The following RAB11FIP4 variants were observed in gnomAD, a reference collection of about 807,000 sequenced individuals.
The protein encoded by RAB11FIP4 is rab11 family-interacting protein 4.
A neutral mutation model predicts 74.3 loss-of-function variants in RAB11FIP4; 23 were observed. That is an observed-to-expected ratio of 0.31 (90% CI 0.22 to 0.44). The LOEUF is 0.44. RAB11FIP4 is among the 20% of genes least tolerant of loss of function. The pLI, the probability that RAB11FIP4 is intolerant of heterozygous loss-of-function variation, is 1.00. For missense variants in RAB11FIP4, 630 were observed against 863.9 expected (o/e 0.73, Z 3.39); for synonymous variants, 360 against 359.9 (o/e 1.00, Z 0.00).
At position 31,403,331 on chromosome 17, in the gene RAB11FIP4, T is replaced by TC. The variant is rs1312870150; in HGVS notation, c.159+11320_159+11321insC. Among the ~76,000 whole-genome samples the TC allele has an allele frequency of 1.9e-4, 29 of 151,408 alleles. 1 individual carries two copies. The highest frequency in any genetic ancestry group is 3.9e-4 in the East Asian group (2 of 5,142). On this transcript the variant is annotated intron_variant, in intron 1 of 14. Transcript: ENST00000621161. ...CTTTGTATTTCTTTCTTTCTTTCTT[T>TC]TTTTTTTTTGAGATGGAGTCTCGCT...
rs1291833405 is a variant in RAB11FIP4 at position 31,429,401 on chromosome 17, G to GCCA, written c.160-2411_160-2409dup. The stretch of plus-strand genomic sequence containing the variant: ...GGGTGTGCAACCGAAGTCATGATCT[G>GCCA]CCAGTCTCCAGCATTTCTCAGCTGC... On this transcript the variant is annotated intron_variant, in intron 1 of 14. Coordinates refer to ENST00000621161, the MANE Select transcript of RAB11FIP4 (RefSeq NM_032932.6). Among the ~76,000 whole-genome samples, 3 of 152,170 alleles carry GCCA rather than the reference G, an allele frequency of 2.0e-5. No individual in the cohort carries two copies. The East Asian group carries it at 5.8e-4, about 29-fold the overall frequency.
chr17:31,457,895 C>G lies in RAB11FIP4; in HGVS notation c.336+23773C>G, dbSNP rs117501964. ...TCTGTCTCTTCTCTCTATCTGCACC[C>G]CATCTCTCTCTGTCCTGAAGTCTGC... On this transcript the variant is annotated intron_variant, in intron 3 of 14. Transcript: ENST00000621161. 1.9e-3 allele frequency among the ~76,000 whole-genome samples: 285 copies of G among 152,270 alleles called. 8 individuals carry two copies. The East Asian group carries it at 0.049, about 26-fold the overall frequency.
At chr17:31,463,660 C>T (rs1416643818) in intron 3 of RAB11FIP4, among the ~76,000 whole-genome samples, 1 of 151,948 alleles carries the variant, frequency 6.6e-6, no homozygotes, top group Admixed American at 6.6e-5. Flanking sequence ...CCTGCCACCA[C>T]ACCTGGCTAA....
chr17:31,455,593 C>T (rs1308650948), intron 3 of RAB11FIP4, among the ~76,000 whole-genome samples: 1 of 152,102 alleles, frequency 6.6e-6, no homozygotes, highest in Non-Finnish European at 1.5e-5. Flanking sequence ...CACATGGGTA[C>T]CTCACTGTAC....
At chr17:31,496,826 C>T (rs1286712187) in intron 3 of RAB11FIP4, among the ~76,000 whole-genome samples, 1 of 152,202 alleles carries the variant, frequency 6.6e-6, no homozygotes, top group Non-Finnish European at 1.5e-5. Context: ...TGAGTCCACT[C>T]CAGTGCACAG....
At chr17:31,475,258 C>G (rs1194640161) in intron 3 of RAB11FIP4, among the ~76,000 whole-genome samples, 2 of 152,148 alleles carry the variant, frequency 1.3e-5, no homozygotes, top group East Asian at 3.9e-4. Flanking sequence ...TGGTGGGAAG[C>G]AGTGCTGGAG....
chr17:31,411,198 C>T (rs1185231131), intron 1 of RAB11FIP4, among the ~76,000 whole-genome samples: 3 of 152,094 alleles, frequency 2.0e-5, no homozygotes, highest in South Asian at 2.1e-4. Flanking sequence ...CCCGTCTCTA[C>T]TAAAAATACA....
intron 3 of RAB11FIP4, among the ~76,000 whole-genome samples, chr17:31,517,206 T>TGGGGGG: frequency 4.9e-5 from 1 of 20,250 alleles, no homozygotes; most frequent in Non-Finnish European, 1.2e-4. Flanking sequence ...GGGGGGGCGG[T>TGGGGGG]GGGGGGGGCG....
chr17:31,444,630 G>T (rs2071434800), intron 3 of RAB11FIP4, among the ~76,000 whole-genome samples: 2 of 152,078 alleles, frequency 1.3e-5, no homozygotes, highest in Admixed American at 1.3e-4. Flanking sequence ...GCCACCTCCT[G>T]CCTAACCCAA....
chr17:31,477,420 C>T (rs2071804287), intron 3 of RAB11FIP4, among the ~76,000 whole-genome samples: 1 of 152,228 alleles, frequency 6.6e-6, no homozygotes, highest in Admixed American at 6.5e-5. Context: ...GCTCCCCGCC[C>T]ACCCTCCTTG....
chr17:31,451,458 C>CAAA (rs60812825), intron 3 of RAB11FIP4, among the ~76,000 whole-genome samples: 2 of 85,970 alleles, frequency 2.3e-5, no homozygotes, highest in Non-Finnish European at 4.6e-5. Context: ...GACTCCATCT[C>CAAA]AAAAAAAAAA....
At chr17:31,454,631 C>T (rs1339439993) in intron 3 of RAB11FIP4, among the ~76,000 whole-genome samples, 3 of 152,078 alleles carry the variant, frequency 2.0e-5, no homozygotes, top group African/African-American at 7.2e-5. Context: ...TGCCTGTAAT[C>T]CCAGCACTTT....
At chr17:31,428,620 C>T (rs1182366568) in intron 1 of RAB11FIP4, among the ~76,000 whole-genome samples, 3 of 152,030 alleles carry the variant, frequency 2.0e-5, no homozygotes, top group Non-Finnish European at 4.4e-5. Flanking sequence ...TGTGGCTAGC[C>T]AGCAGAACCA....
intron 1 of RAB11FIP4, 87 bp downstream of exon 1, chr17:31,392,098 G>A: frequency 1.0e-6 from 1 of 957,260 alleles, no homozygotes; most frequent in Non-Finnish European, 1.3e-6. Context: ...GGTCACCCGC[G>A]TGGCCCGAGG....
At position 31,528,418 on chromosome 17, in the gene RAB11FIP4, A is replaced by G. The variant is rs779704837; in HGVS notation, c.1369A>G (p.Met457Val). 2.5e-6 allele frequency: 4 copies of G among 1,612,744 alleles called. No homozygotes were observed. Among genetic ancestry groups the G allele is most frequent in the African/African-American group, 2.7e-5 (2 of 74,944 alleles). ...CTCCCTGCTCCAGGAGCGGCAGCGC[A>G]TGTCTGACCGTCTGGAGGACACCAG... The part of the protein sequence containing the change: ...TEKLDEERQR[M>V]SDRLEDTSLR... The change falls in exon 12 of 15, where the codon ATG (methionine) becomes GTG (valine). Residue 457 changes from methionine to valine, a missense_variant. By Grantham distance (21) the Met-to-Val change is conservative. Transcript: ENST00000621161.
At chr17:31,412,125 C>T (rs2071103011) in intron 1 of RAB11FIP4, among the ~76,000 whole-genome samples, 2 of 152,192 alleles carry the variant, frequency 1.3e-5, no homozygotes, top group East Asian at 3.9e-4. Flanking sequence ...GCAGCTGAAC[C>T]CACGAGCTGC....
At chr17:31,464,784 A>G (rs1041175007) in intron 3 of RAB11FIP4, among the ~76,000 whole-genome samples, 1 of 68,672 alleles carries the variant, frequency 1.5e-5, no homozygotes, top group African/African-American at 5.3e-5. Flanking sequence ...TTTTTGAGAC[A>G]AGGTCTTTCT....
chr17:31,521,958 G>A lies in RAB11FIP4; in HGVS notation c.802G>A (p.Glu268Lys), dbSNP rs528803225. Residue 268 changes from glutamate to lysine, a missense_variant, in exon 6 of 15, where the codon GAA (glutamate) becomes AAA (lysine). Coordinates refer to ENST00000621161, the MANE Select transcript of RAB11FIP4 (RefSeq NM_032932.6). ...PRKMRHVYNS[E>K]LLDVYCSQCC... ...GAAAATGCGGCACGTGTACAACAGC[G>A]AATTGCTAGATGTTTACTGCTCTCA... 1.6e-5 allele frequency: 26 copies of A among 1,614,048 alleles called. No individual in the cohort carries two copies. Among genetic ancestry groups the A allele is most frequent in the African/African-American group, 2.7e-5 (2 of 74,908 alleles).
rs564521283 is a variant in RAB11FIP4, at chr17:31,402,827, G to A, written c.159+10816G>A. ...TTTTTAGTAGAGACGGGGTTTCACC[G>A]TGTTAGCCAGGATGGTCTCGATCTC... On this transcript the variant is annotated intron_variant, in intron 1 of 14. Coordinates refer to ENST00000621161, the MANE Select transcript of RAB11FIP4 (RefSeq NM_032932.6). Among the ~76,000 whole-genome samples the A allele has an allele frequency of 3.3e-3, 501 of 151,172 alleles. 3 individuals are homozygous for A. Among genetic ancestry groups the A allele is most frequent in the Non-Finnish European group, 1.9e-3 (130 of 67,756 alleles).
Sources: allele counts gnomAD v4.1 joint callset (sites outside exome capture counted in the v4.1 genomes callset), GRCh38; gene constraint gnomAD v4.1.1; transcripts MANE v1.5; gene names NCBI Gene and HGNC (gene_info 2026-07-23, HGNC 2026-07-21).